The following TACC2 variants were observed in gnomAD, a reference collection of about 807,000 sequenced individuals.
The protein encoded by TACC2 is transforming acidic coiled-coil containing protein 2.
Under a neutral mutation model 227.3 loss-of-function variants are expected in TACC2, and 137 were observed. The ratio of observed to expected loss-of-function variants is 0.60; its 90% CI spans 0.52 to 0.69. TACC2 has a LOEUF of 0.69. Ranked by LOEUF, TACC2 falls within the 30% of genes least tolerant of loss-of-function variation. The pLI is 0.00. For synonymous variants in TACC2, 1,523 were observed against 1,487.5 expected, an observed-to-expected ratio of 1.02 and a Z score of -0.55; for missense variants, 3,470 against 3,694.4, an observed-to-expected ratio of 0.94 and a Z score of 1.57.
At chr10:122,021,750 G>A (rs563035721) in intron 1 of TACC2, among the ~76,000 whole-genome samples, 187 bp from the exon 2 acceptor site, 7 of 152,244 alleles carry the variant, frequency 4.6e-5, no homozygotes, top group African/African-American at 7.2e-5. Flanking sequence ...ACACCAGCCC[G>A]TATTGGGAAA....
intron 16 of TACC2, 59 bp from the exon 17 acceptor site, chr10:122,237,335 TC>T: frequency 6.6e-7 from 1 of 1,513,080 alleles, no homozygotes; most frequent in Non-Finnish European, 8.9e-7. Flanking sequence ...GTGAGTGTAA[TC>T]CTCTTTGTCG....
At chr10:122,239,261 G>A (rs768624102) in intron 18 of TACC2, among the ~76,000 whole-genome samples, 1 of 152,142 alleles carries the variant, frequency 6.6e-6, no homozygotes, top group African/African-American at 2.4e-5. Flanking sequence ...TGCCTGCCTT[G>A]GCCTCCCAAA....
At chr10:122,212,560 T>C (rs770304032) in intron 9 of TACC2, among the ~76,000 whole-genome samples, 15 of 152,140 alleles carry the variant, frequency 9.9e-5, no homozygotes, top group Non-Finnish European at 1.9e-4. Context: ...ACGGGAAGTA[T>C]TGTCAGTAAT....
intron 5 of TACC2, among the ~76,000 whole-genome samples, chr10:122,120,891 G>A (rs924184794): frequency 6.6e-5 from 10 of 152,140 alleles, no homozygotes; most frequent in African/African-American, 1.4e-4. Context: ...TCAGCCTCCC[G>A]AGTAGCTGGA....
chr10:122,107,802 AGT>A (rs1218791061), intron 5 of TACC2, among the ~76,000 whole-genome samples: 1 of 149,556 alleles, frequency 6.7e-6, no homozygotes, highest in East Asian at 1.9e-4. Flanking sequence ...CACCGTACCC[AGT>A]GTGTAGTCTA....
At chr10:122,053,570 A>G (rs2075927880) in intron 3 of TACC2, among the ~76,000 whole-genome samples, 1 of 152,046 alleles carries the variant, frequency 6.6e-6, no homozygotes, top group Non-Finnish European at 1.5e-5. Flanking sequence ...ACTGCCCCTC[A>G]GGCTGAGGGA....
intron 7 of TACC2, among the ~76,000 whole-genome samples, chr10:122,158,221 C>G (rs1239266368): frequency 1.3e-5 from 2 of 152,034 alleles, no homozygotes; most frequent in Non-Finnish European, 2.9e-5. Flanking sequence ...AACCCCATCT[C>G]TACTAAAAAA....
At chr10:122,003,405 T>G (rs1367781370) in intron 1 of TACC2, among the ~76,000 whole-genome samples, 1 of 152,168 alleles carries the variant, frequency 6.6e-6, no homozygotes, top group African/African-American at 2.4e-5. Context: ...ACAAATATGT[T>G]TGATGCAATG....
At chr10:122,021,239 A>AG (rs1554964390) in intron 1 of TACC2, among the ~76,000 whole-genome samples, 23 of 146,104 alleles carry the variant, frequency 1.6e-4, no homozygotes, top group African/African-American at 3.1e-4. Flanking sequence ...GAAAAAAAAA[A>AG]GGCGGGGGGG....
Position 122,050,355 on chromosome 10 carries a change from TG to T in TACC2, c.34-80del. 1 of 1,032,898 alleles carries T rather than the reference TG, an allele frequency of 9.7e-7. No individual in the cohort carries two copies. Among genetic ancestry groups the T allele is most frequent in the East Asian group, 2.5e-5 (1 of 39,832 alleles). 64.0% of individuals were successfully genotyped at this position (1,032,898 alleles called of 1,614,324 possible). On this transcript the variant is annotated intron_variant, in intron 2 of 22. Coordinates refer to ENST00000369005, the MANE Select transcript of TACC2 (RefSeq NM_206862.4). This position sits in a 1 kb window ranked among gnomAD's most constrained non-coding sequence, Gnocchi z 4.6. ...AACAACCTTACCTTGAATGCTGTGG[TG>T]GGTGCCCTGTTGATAAATGTTTTTG... is the stretch of plus-strand genomic sequence containing the variant.
intron 1 of TACC2, among the ~76,000 whole-genome samples, chr10:122,015,923 T>C (rs1956547774): frequency 6.6e-6 from 1 of 150,490 alleles, no homozygotes; most frequent in Non-Finnish European, 1.5e-5. Flanking sequence ...TTAAATGCTT[T>C]GCACTTTACA....
intron 7 of TACC2, among the ~76,000 whole-genome samples, chr10:122,172,188 C>T (rs1033913674): frequency 7.2e-5 from 11 of 152,148 alleles, no homozygotes; most frequent in Non-Finnish European, 1.0e-4. Flanking sequence ...ACCCATGACT[C>T]CTGGGGCCTT....
At chr10:122,142,846 C>T (rs2090822608) in intron 6 of TACC2, among the ~76,000 whole-genome samples, 1 of 152,214 alleles carries the variant, frequency 6.6e-6, no homozygotes, top group Admixed American at 6.5e-5. Flanking sequence ...AGGCTTTAGT[C>T]TGTGGAGGCC....
chr10:122,249,782 AT>A (rs1248552603), intron 22 of TACC2, 118 bp downstream of exon 22: 1 of 1,225,316 alleles, frequency 8.2e-7, no homozygotes, highest in Non-Finnish European at 1.1e-6. Context: ...AGACGAATTC[AT>A]GCTTCATGAG....
At chr10:122,122,479 TA>T (rs2086024894) in intron 5 of TACC2, among the ~76,000 whole-genome samples, 2 of 142,778 alleles carry the variant, frequency 1.4e-5, no homozygotes, top group African/African-American at 5.0e-5. Flanking sequence ...AGTATTTTTT[TA>T]AAAATAATTC....
At chr10:122,226,512 T>TCCAG in intron 13 of TACC2, 31 bp downstream of exon 13, 1 of 1,485,654 alleles carries the variant, frequency 6.7e-7, no homozygotes, top group Non-Finnish European at 9.4e-7. Flanking sequence ...GAGTTACACA[T>TCCAG]CATGCTGGAT....
At chr10:122,182,439 T>C (rs2094002202) in intron 7 of TACC2, among the ~76,000 whole-genome samples, 1 of 152,128 alleles carries the variant, frequency 6.6e-6, no homozygotes, top group African/African-American at 2.4e-5. Context: ...CTGAGTTGCT[T>C]GGGATTTAGC....
rs1359122985 is a variant in TACC2 at position 122,084,451 on chromosome 10, A to G, written c.1951A>G (p.Thr651Ala). The G allele has an allele frequency of 1.8e-5, 29 of 1,612,894 alleles. No homozygotes were observed. Among genetic ancestry groups the G allele is most frequent in the Non-Finnish European group, 2.3e-5 (27 of 1,180,030 alleles). ...AGHTDGPHSQ[T>A]AEADASGLPH... ...GCACACGGACGGGCCCCACTCTCAG[A>G]CAGCAGAGGCTGATGCATCTGGCCT... Residue 651 changes from threonine (T) to alanine (A), a missense_variant, in exon 4 of 23, where the codon ACA becomes GCA. Physicochemically the swap from Thr to Ala is moderately conservative, Grantham distance 58. Transcript: ENST00000369005.
chr10:122,134,389 G>A (rs1273535414), intron 6 of TACC2, among the ~76,000 whole-genome samples: 1 of 152,006 alleles, frequency 6.6e-6, no homozygotes, highest in Non-Finnish European at 1.5e-5. Flanking sequence ...TGTTGGCCAG[G>A]CTGTTCTCAA....
Sources: gnomAD v4.1 joint callset for allele counts (sites outside exome capture counted in the v4.1 genomes callset) on GRCh38, gnomAD v4.1.1 for gene constraint, Gnocchi (gnomAD v3.1) non-coding constraint, MANE v1.5 for transcripts, NCBI Gene and HGNC (gene_info 2026-07-23, HGNC 2026-07-21) for gene names.